TENM1: variants seen among roughly 807,000 people sequenced by gnomAD.
The protein encoded by TENM1 is teneurin-1.
A neutral mutation model predicts 174.8 loss-of-function variants in TENM1; 35 were observed. The observed-to-expected ratio is 0.20, with a 90% CI of 0.15 to 0.27. The LOEUF (loss-of-function observed/expected upper bound fraction) is 0.27, where lower values mean the gene tolerates loss of function less well. Ranked by LOEUF, TENM1 falls within the 10% of genes least tolerant of loss-of-function variation. The probability of loss-of-function intolerance (pLI) is 1.00; values close to 1 mark genes in which losing one functional copy is unlikely to be tolerated. For synonymous variants in TENM1, 781 were observed against 798.7 expected (o/e 0.98, Z 0.37); for missense variants, 1,633 against 2,130.1 (o/e 0.77, Z 4.59).
the TENM1 span, among the ~76,000 whole-genome samples, chrX:125,041,209 G>A: frequency 1.8e-5 from 2 of 111,208 alleles, no homozygotes; most frequent in Non-Finnish European, 3.8e-5. Flanking sequence ...TTGTTGTGTA[G>A]GCATGTTAAC....
chrX:124,585,947 T>C (rs1343860528), intron 11 of TENM1, among the ~76,000 whole-genome samples: 3 of 110,386 alleles, frequency 2.7e-5, no homozygotes, highest in African/African-American at 1.0e-4. Flanking sequence ...AAGAGATGGA[T>C]AAATTCCTCG....
chrX:124,743,598 A>T (rs1306140654), intron 3 of TENM1, among the ~76,000 whole-genome samples: 1 of 112,034 alleles, frequency 8.9e-6, no homozygotes. Flanking sequence ...GTTCTGGATT[A>T]CTGCATTCTG....
chrX:124,514,768 G>C (rs1433539450), intron 18 of TENM1, among the ~76,000 whole-genome samples: 3 of 110,882 alleles, frequency 2.7e-5, no homozygotes, highest in Non-Finnish European at 3.8e-5. Context: ...AATTCTAGCA[G>C]ATGTACAAAG....
chrX:124,909,073 G>C (rs1273632631), intron 1 of TENM1, among the ~76,000 whole-genome samples: 1 of 111,766 alleles, frequency 8.9e-6, no homozygotes, highest in East Asian at 2.8e-4. Context: ...TGGCCAGGCT[G>C]GTCTCGAACT....
At chrX:125,071,202 G>A in the TENM1 span, among the ~76,000 whole-genome samples, 1 of 111,590 alleles carries the variant, frequency 9.0e-6, no homozygotes, top group South Asian at 3.7e-4. Context: ...TAGTAATTAG[G>A]ATTTTATGTA....
At chrX:124,777,085 C>T (rs2054802396) in intron 3 of TENM1, among the ~76,000 whole-genome samples, 1 of 110,799 alleles carries the variant, frequency 9.0e-6, no homozygotes, top group African/African-American at 3.3e-5. Flanking sequence ...CATCCTCCTT[C>T]TCATGTTTCC....
chrX:125,024,554 C>T, the TENM1 span, among the ~76,000 whole-genome samples: 1 of 111,051 alleles, frequency 9.0e-6, no homozygotes, highest in Non-Finnish European at 1.9e-5. Flanking sequence ...ACAATGAATA[C>T]ACATGGACAT....
At chrX:124,540,201 A>G (rs1334577820) in intron 15 of TENM1, among the ~76,000 whole-genome samples, 1 of 112,311 alleles carries the variant, frequency 8.9e-6, no homozygotes, top group Non-Finnish European at 1.9e-5. Context: ...GTGTATCTCC[A>G]TCTGCACAGT....
intron 3 of TENM1, among the ~76,000 whole-genome samples, chrX:124,844,310 TAATC>T (rs1476450562): frequency 8.9e-6 from 1 of 112,190 alleles, no homozygotes; most frequent in Non-Finnish European, 1.9e-5. Context: ...TGTATTTAAT[TAATC>T]AATTCCAGAA....
At chrX:125,055,065 A>C in the TENM1 span, among the ~76,000 whole-genome samples, 1 of 111,862 alleles carries the variant, frequency 8.9e-6, no homozygotes, top group East Asian at 2.8e-4. Context: ...CTTATTTCCA[A>C]AAAGAAAAAA....
At chrX:124,741,359 T>C (rs1177923714) in intron 3 of TENM1, among the ~76,000 whole-genome samples, 16 of 111,896 alleles carry the variant, frequency 1.4e-4, no homozygotes, top group Middle Eastern at 4.6e-3. Flanking sequence ...CTTATCAGAG[T>C]GTCTATCAGG....
At chrX:124,622,909 A>G (rs905037290) in intron 11 of TENM1, among the ~76,000 whole-genome samples, 2 of 112,018 alleles carry the variant, frequency 1.8e-5, no homozygotes, top group African/African-American at 6.5e-5. Context: ...ACAGAATGAG[A>G]GAGAGTTAAC....
At chrX:124,495,414 C>T (rs1328505931) in intron 20 of TENM1, among the ~76,000 whole-genome samples, 1 of 107,835 alleles carries the variant, frequency 9.3e-6, no homozygotes, top group East Asian at 3.0e-4. Context: ...TGGATATTAG[C>T]CCTTTGTCAG....
intron 3 of TENM1, among the ~76,000 whole-genome samples, chrX:124,759,952 C>T (rs1274304290): frequency 1.8e-5 from 2 of 111,451 alleles, no homozygotes; most frequent in African/African-American, 6.5e-5. Flanking sequence ...CCGGCAAAAC[C>T]CTGCTTTCAA....
intron 25 of TENM1, among the ~76,000 whole-genome samples, chrX:124,418,094 A>C (rs910252734): frequency 8.9e-6 from 1 of 112,453 alleles, no homozygotes; most frequent in Non-Finnish European, 1.9e-5. Flanking sequence ...TAAAAAATGA[A>C]AGTTGGCTTA....
At chrX:124,472,230 G>C (rs1448704085) in intron 22 of TENM1, among the ~76,000 whole-genome samples, 1 of 105,349 alleles carries the variant, frequency 9.5e-6, no homozygotes. Flanking sequence ...GTTAGGCAGG[G>C]AGTCACTGAA....
At chrX:124,903,605 A>G (rs1000110396) in intron 1 of TENM1, among the ~76,000 whole-genome samples, 2 of 112,373 alleles carry the variant, frequency 1.8e-5, no homozygotes, top group African/African-American at 6.5e-5. Flanking sequence ...GAACGGCTCC[A>G]TTTAGACTGT....
intron 3 of TENM1, among the ~76,000 whole-genome samples, chrX:124,888,287 T>C (rs1279336117): frequency 1.8e-5 from 2 of 111,592 alleles, no homozygotes; most frequent in Non-Finnish European, 3.8e-5. Flanking sequence ...TATCAGATAT[T>C]CCCTTACCTG....
At chrX:124,525,620 A>C (rs2047957978) in intron 16 of TENM1, among the ~76,000 whole-genome samples, 1 of 112,379 alleles carries the variant, frequency 8.9e-6, no homozygotes, top group African/African-American at 3.2e-5. Context: ...TTAAAAAAAA[A>C]CTTTTATTCT....
Sources: gnomAD v4.1 joint callset for allele counts (sites outside exome capture counted in the v4.1 genomes callset) on GRCh38, gnomAD v4.1.1 for gene constraint, MANE v1.5 for transcripts, NCBI Gene and HGNC (gene_info 2026-07-23, HGNC 2026-07-21) for gene names.